RARB: variants seen among roughly 807,000 people sequenced by gnomAD.
The protein encoded by RARB is HBV-activated protein.
In RARB, 17 loss-of-function variants were observed where a neutral mutation model predicts 51.9. That is an observed-to-expected ratio of 0.33 (90% confidence interval 0.22 to 0.49). The LOEUF (loss-of-function observed/expected upper bound fraction) is 0.49, where lower values mean the gene tolerates loss of function less well. Among genes scored for constraint, RARB ranks in the 20% least tolerant of loss-of-function variants. RARB has a pLI of 0.99. For synonymous variants in RARB, 215 were observed against 195.4 expected, an observed-to-expected ratio of 1.10 and a Z score of -0.84; for missense variants, 369 against 550.8, an observed-to-expected ratio of 0.67 and a Z score of 3.30.
At chr3:24,945,187 A>G (rs1168616054) in intron 2 of RARB, among the ~76,000 whole-genome samples, 2 of 152,364 alleles carry the variant, frequency 1.3e-5, no homozygotes, top group African/African-American at 2.4e-5. Flanking sequence ...TTTTATGGCC[A>G]TAGTGCGCTT....
chr3:25,517,376 A>G (rs1165546306), intron 3 of RARB, among the ~76,000 whole-genome samples: 1 of 152,234 alleles, frequency 6.6e-6, no homozygotes, highest in East Asian at 1.9e-4. Context: ...CAAATAACTA[A>G]TAAATACATG....
chr3:25,119,673 C>CAAAA (rs143120580), intron 3 of RARB, among the ~76,000 whole-genome samples: 3 of 147,116 alleles, frequency 2.0e-5, no homozygotes, highest in African/African-American at 7.7e-5. Context: ...AAAAAAACAA[C>CAAAA]AACAAAAAAA....
chr3:25,340,702 CAA>C (rs1400105040), intron 5 of RARB, among the ~76,000 whole-genome samples: 5 of 152,124 alleles, frequency 3.3e-5, no homozygotes, highest in South Asian at 2.1e-4. Flanking sequence ...AGGTGAAAAA[CAA>C]GAGAGATTTT....
At chr3:25,071,571 C>A (rs1040476678) in intron 3 of RARB, among the ~76,000 whole-genome samples, 20 of 152,162 alleles carry the variant, frequency 1.3e-4, no homozygotes, top group African/African-American at 4.8e-4. Flanking sequence ...AAACTTAGTT[C>A]TTTTGCTTCC....
At chr3:24,970,817 C>A (rs1230673618) in intron 2 of RARB, among the ~76,000 whole-genome samples, 1 of 151,942 alleles carries the variant, frequency 6.6e-6, no homozygotes, top group African/African-American at 2.4e-5. Context: ...TGCTGTCTTA[C>A]CTACTCTAAA....
intron 3 of RARB, among the ~76,000 whole-genome samples, chr3:25,069,058 A>G (rs1212085504): frequency 6.6e-6 from 1 of 151,854 alleles, no homozygotes; most frequent in African/African-American, 2.4e-5. Flanking sequence ...AAGACCTCCC[A>G]TACTCATCAT....
intron 3 of RARB, among the ~76,000 whole-genome samples, chr3:25,551,757 G>A (rs1457462484): frequency 6.6e-6 from 1 of 152,132 alleles, no homozygotes; most frequent in African/African-American, 2.4e-5. Flanking sequence ...CAGAGATACA[G>A]AATTCTTTAG....
chr3:25,163,504 AATATATATATATATAT>A lies in RARB; in HGVS notation c.-279-10596_-279-10581del, dbSNP rs138389529. Among the ~76,000 whole-genome samples, 138 of 131,128 alleles carry A rather than the reference AATATATATATATATAT, an allele frequency of 1.1e-3. 3 individuals are homozygous for A. The highest frequency in any genetic ancestry group is 4.2e-3 in the African/African-American group (130 of 31,194). 86.0% of individuals were successfully genotyped at this position (131,128 alleles called of 152,430 possible). A position where few individuals can be genotyped will look rare whatever the true frequency, so the allele number is the denominator to read the frequency against. The stretch of plus-strand genomic sequence containing the variant: ...TGAGCAGAATAAGACCCTATCTCAA[AATATATATATATATAT>A]ATATATATATATATATATTTGTTTA... On this transcript the variant is annotated intron_variant, in intron 4 of 11. Coordinates refer to the RARB transcript ENST00000383772.
Position 24,979,988 on chromosome 3 carries a change from T to C in RARB, c.-379-80137T>C, listed in dbSNP as rs562282818. Among the ~76,000 whole-genome samples, 4 of 152,326 alleles carry C rather than the reference T, an allele frequency of 2.6e-5. No homozygotes were observed. The South Asian group carries it at 8.3e-4, about 32-fold the overall frequency. On this transcript the variant is annotated intron_variant, in intron 2 of 11. Transcript: ENST00000383772. ...GGTGGTGACAAAATCTTTCAGCATT[T>C]CCTTGTCTGTAAAGGATTTTATTTC...
chr3:25,472,127 G>A (rs574554311), intron 2 of RARB, among the ~76,000 whole-genome samples: 2 of 152,344 alleles, frequency 1.3e-5, no homozygotes, highest in East Asian at 1.9e-4. Context: ...AGGCTTAGCT[G>A]AAGTAAAAGT....
chr3:25,175,765 G>C (rs1472194178), intron 5 of RARB, among the ~76,000 whole-genome samples: 2 of 152,086 alleles, frequency 1.3e-5, no homozygotes, highest in African/African-American at 4.8e-5. Context: ...CTTTCCTTCT[G>C]TGTTTCGAAT....
chr3:24,861,970 CCTG>C (rs1191572718), intron 2 of RARB, among the ~76,000 whole-genome samples: 3 of 152,190 alleles, frequency 2.0e-5, no homozygotes, highest in Admixed American at 2.0e-4. Context: ...GATCAGCTGT[CCTG>C]CTGACCAGGC....
chr3:25,168,603 A>G (rs1700595778), intron 4 of RARB, among the ~76,000 whole-genome samples: 1 of 152,212 alleles, frequency 6.6e-6, no homozygotes, highest in Non-Finnish European at 1.5e-5. Flanking sequence ...TAAATAAGAA[A>G]AGACAAGAAA....
At chr3:25,019,256 A>T (rs1227918291) in intron 2 of RARB, among the ~76,000 whole-genome samples, 1 of 152,182 alleles carries the variant, frequency 6.6e-6, no homozygotes, top group African/African-American at 2.4e-5. Flanking sequence ...GTTAAATCAA[A>T]TTCAGAACTA....
intron 1 of RARB, among the ~76,000 whole-genome samples, chr3:24,842,302 C>T (rs945871202): frequency 1.3e-5 from 2 of 152,124 alleles, no homozygotes; most frequent in Non-Finnish European, 2.9e-5. Context: ...TTAAAAACTA[C>T]TTCAAAATGG....
chr3:25,325,376 G>A (rs900668075), intron 5 of RARB, among the ~76,000 whole-genome samples: 2 of 152,054 alleles, frequency 1.3e-5, no homozygotes, highest in African/African-American at 2.4e-5. Context: ...TATCAGCAAG[G>A]TCTTTGTGTC....
chr3:25,174,468 C>T (rs1466119277), exon 5 of RARB: 1 of 1,352,132 alleles, frequency 7.4e-7, no homozygotes, highest in Non-Finnish European at 9.8e-7. Flanking sequence ...CCAGCCACAC[C>T]CTACCCGTTA....
intron 5 of RARB, among the ~76,000 whole-genome samples, chr3:25,240,516 G>T (rs1409908612): frequency 6.6e-6 from 1 of 152,006 alleles, no homozygotes; most frequent in African/African-American, 2.4e-5. Context: ...TCTATGCCTA[G>T]TTTGTTGATA....
chr3:25,583,088 G>C (rs1701245705), intron 5 of RARB, among the ~76,000 whole-genome samples: 1 of 152,116 alleles, frequency 6.6e-6, no homozygotes, highest in African/African-American at 2.4e-5. Context: ...ATAGGCCAGG[G>C]AGGAAAATGT....
Sources: allele counts gnomAD v4.1 joint callset (sites outside exome capture counted in the v4.1 genomes callset), GRCh38; gene constraint gnomAD v4.1.1; transcripts MANE v1.5; gene names NCBI Gene and HGNC (gene_info 2026-07-23, HGNC 2026-07-21).